The following KCNIP4 variants were observed in gnomAD, a reference collection of about 807,000 sequenced individuals.
KCNIP4 encodes the protein potassium voltage-gated channel interacting protein 4, also known as Kv channel-interacting protein 4.
A neutral mutation model predicts 34.0 loss-of-function variants in KCNIP4; 12 were observed. That is an observed-to-expected ratio of 0.35 (90% CI 0.23 to 0.57). The LOEUF (loss-of-function observed/expected upper bound fraction) is 0.57, where lower values mean the gene tolerates loss of function less well. KCNIP4 is among the 20% of genes least tolerant of loss of function. The pLI is 0.83. For missense variants in KCNIP4, 238 were observed against 311.7 expected (o/e 0.76, Z 1.78); for synonymous variants, 124 against 102.2 (o/e 1.21, Z -1.29).
At chr4:21,613,594 C>A (rs935969590) in intron 1 of KCNIP4, 2 of 152,042 alleles carry the variant, frequency 1.3e-5, no homozygotes, top group Non-Finnish European at 2.9e-5. Context: ...TGTTTTAAGC[C>A]ACTAAATTTT....
intron 3 of KCNIP4, among the ~76,000 whole-genome samples, chr4:20,787,979 T>C (rs1347149823): frequency 6.6e-6 from 1 of 152,138 alleles, no homozygotes; most frequent in East Asian, 1.9e-4. Flanking sequence ...TTTTTCTCCC[T>C]TATTTATAGG....
intron 1 of KCNIP4, among the ~76,000 whole-genome samples, chr4:21,833,468 T>C (rs1200244407): frequency 6.6e-6 from 1 of 152,148 alleles, no homozygotes; most frequent in Non-Finnish European, 1.5e-5. Flanking sequence ...TTTGTTTGAG[T>C]TCATTGCAGA....
intron 3 of KCNIP4, among the ~76,000 whole-genome samples, chr4:20,797,261 A>G (rs1009645037): frequency 4.6e-5 from 7 of 152,234 alleles, no homozygotes; most frequent in Admixed American, 6.5e-5. Context: ...TAAAATCACA[A>G]AAGAAAACAA....
chr4:20,941,072 A>G (rs1731589308), intron 1 of KCNIP4, among the ~76,000 whole-genome samples: 1 of 152,200 alleles, frequency 6.6e-6, no homozygotes, highest in Admixed American at 6.5e-5. Context: ...AATACCTGGC[A>G]CAATAATTTG....
chr4:20,886,540 C>A (rs1725337059), intron 1 of KCNIP4, among the ~76,000 whole-genome samples: 1 of 152,106 alleles, frequency 6.6e-6, no homozygotes, highest in Non-Finnish European at 1.5e-5. Flanking sequence ...GCAGGCAGGG[C>A]TGAGAATGGA....
chr4:21,815,037 G>T (rs1578024193), intron 1 of KCNIP4, among the ~76,000 whole-genome samples: 1 of 152,194 alleles, frequency 6.6e-6, no homozygotes, highest in African/African-American at 2.4e-5. Context: ...AAAAGTACTA[G>T]ACAACCAACA....
rs139283563 is a variant in KCNIP4 at position 21,701,979 on chromosome 4, C to A, written c.61+246592G>T. The stretch of plus-strand genomic sequence containing the variant: ...TTGGCCTCCCAAAGTGCTGGGATTA[C>A]AGGAGTGAGTCACCATGCCCGGCCT... On this transcript the variant is annotated intron_variant, in intron 1 of 8. Transcript: ENST00000382152. Among the ~76,000 whole-genome samples, 915 of 152,240 alleles carry A rather than the reference C, an allele frequency of 6.0e-3. 6 individuals are homozygous for A. Among genetic ancestry groups the A allele is most frequent in the African/African-American group, 0.021 (876 of 41,540 alleles).
At chr4:21,629,993 G>A (rs1745620882) in intron 1 of KCNIP4, among the ~76,000 whole-genome samples, 1 of 148,752 alleles carries the variant, frequency 6.7e-6, no homozygotes, top group African/African-American at 2.5e-5. Flanking sequence ...TGAGACCATA[G>A]GCATGGACCA....
At chr4:21,253,505 T>G (rs2109084453) in intron 1 of KCNIP4, among the ~76,000 whole-genome samples, 1 of 152,352 alleles carries the variant, frequency 6.6e-6, no homozygotes, top group East Asian at 1.9e-4. Flanking sequence ...TACTGCTATC[T>G]AGTCTACATT....
At position 21,683,446 on chromosome 4, in the gene KCNIP4, ATTTTTTTTTTTTTTTTTTTTTT is replaced by A. The variant is rs71191533; in HGVS notation, c.61+265103_61+265124del. On this transcript the variant is annotated intron_variant, in intron 1 of 8. Coordinates refer to ENST00000382152, the MANE Select transcript of KCNIP4 (RefSeq NM_025221.6). ...TACGACTAATGATTGGTGAAGCCAGATTTTTTTTTTTTTTTTTTTTTTTTTTTTTTTTTTTTTTTGAGACAGA... is the reference window on the plus strand; with the variant it reads ...TACGACTAATGATTGGTGAAGCCAGATTTTTTTTTTTTTTTTTGAGACAGA... Among the ~76,000 whole-genome samples, 9 of 46,614 alleles carry A rather than the reference ATTTTTTTTTTTTTTTTTTTTTT, an allele frequency of 1.9e-4. No individual in the cohort carries two copies. In the East Asian group the frequency reaches 4.0e-3, roughly 21 times the overall value. The allele number at this position is 46,614 out of a possible 152,430, so 30.6% of individuals were successfully genotyped here.
intron 1 of KCNIP4, among the ~76,000 whole-genome samples, chr4:21,190,147 G>T (rs1755520081): frequency 1.3e-5 from 2 of 152,112 alleles, no homozygotes; most frequent in African/African-American, 4.8e-5. Flanking sequence ...CAATTCTTTG[G>T]AGTCTCTTGA....
rs145713960 is a variant in KCNIP4 at position 20,975,271 on chromosome 4, T to C, written c.62-92562A>G. Among the ~76,000 whole-genome samples, 668 of 152,326 alleles carry C rather than the reference T, an allele frequency of 4.4e-3. 7 individuals carry two copies. Among genetic ancestry groups the C allele is most frequent in the African/African-American group, 0.015 (642 of 41,582 alleles). Reference sequence around the variant, plus strand: ...TTCATTGAATGTATGTGTCCTAGACTCGAAAGGCTCAATGTAGTGCAACAG... The same window carrying C: ...TTCATTGAATGTATGTGTCCTAGACCCGAAAGGCTCAATGTAGTGCAACAG... On this transcript the variant is annotated intron_variant, in intron 1 of 8. Coordinates refer to ENST00000382152, the MANE Select transcript of KCNIP4 (RefSeq NM_025221.6).
intron 1 of KCNIP4, among the ~76,000 whole-genome samples, chr4:21,890,744 C>T (rs1727044265): frequency 1.3e-5 from 2 of 152,002 alleles, no homozygotes; most frequent in South Asian, 4.1e-4. Flanking sequence ...CTTGAGGAAA[C>T]AGGCCTAGAG....
At chr4:21,074,850 T>C (rs994193803) in intron 1 of KCNIP4, among the ~76,000 whole-genome samples, 2 of 152,184 alleles carry the variant, frequency 1.3e-5, no homozygotes, top group Non-Finnish European at 2.9e-5. Flanking sequence ...TTTGTTCTTG[T>C]TGGTTTCAAA....
intron 1 of KCNIP4, among the ~76,000 whole-genome samples, chr4:21,678,055 C>G (rs1750046499): frequency 6.6e-6 from 1 of 152,120 alleles, no homozygotes. Context: ...CCTGGCCCCA[C>G]TGTTTCTATT....
intron 1 of KCNIP4, among the ~76,000 whole-genome samples, chr4:21,015,886 AC>A (rs1464540609): frequency 7.0e-6 from 1 of 142,172 alleles, no homozygotes; most frequent in Non-Finnish European, 1.5e-5. Context: ...ATAAATATAT[AC>A]AATATATACA....
chr4:21,789,372 T>G (rs767978590), intron 1 of KCNIP4, among the ~76,000 whole-genome samples: 1 of 150,942 alleles, frequency 6.6e-6, no homozygotes, highest in African/African-American at 2.5e-5. Flanking sequence ...AGAAGAGAGC[T>G]ACTTCAAATT....
intron 2 of KCNIP4, among the ~76,000 whole-genome samples, chr4:20,875,204 C>T (rs1289451755): frequency 1.3e-5 from 2 of 152,122 alleles, no homozygotes; most frequent in African/African-American, 4.8e-5. Context: ...AAGATCTAGT[C>T]ATATTTTTTT....
chr4:21,550,540 G>A (rs1738498003), intron 1 of KCNIP4, among the ~76,000 whole-genome samples: 1 of 152,026 alleles, frequency 6.6e-6, no homozygotes, highest in Non-Finnish European at 1.5e-5. Context: ...GCTAAAACCA[G>A]CTTTCTATTA....
Sources: gnomAD v4.1 joint callset for allele counts (sites outside exome capture counted in the v4.1 genomes callset) on GRCh38, gnomAD v4.1.1 for gene constraint, MANE v1.5 for transcripts, NCBI Gene and HGNC (gene_info 2026-07-23, HGNC 2026-07-21) for gene names.